LRRC72: variants seen among roughly 807,000 people sequenced by gnomAD.
LRRC72 encodes leucine rich repeat containing 72.
A neutral mutation model predicts 35.8 loss-of-function variants in LRRC72; 41 were observed. The ratio of observed to expected loss-of-function variants is 1.15; its 90% CI spans 0.89 to 1.49. LRRC72 has a LOEUF of 1.49. Among genes scored for constraint, LRRC72 ranks in the 40% most tolerant of loss-of-function variants. The pLI is 0.00. For missense variants in LRRC72, 389 were observed against 330.7 expected (o/e 1.18, Z -1.37); for synonymous variants, 118 against 119.2 (o/e 0.99, Z 0.07).
At chr7:16,574,475 A>G (rs995010310) in intron 7 of LRRC72, among the ~76,000 whole-genome samples, 21 of 152,224 alleles carry the variant, frequency 1.4e-4, no homozygotes, top group African/African-American at 5.1e-4. Context: ...AGCCATAAAA[A>G]GGATGAGTTC....
intron 3 of LRRC72, among the ~76,000 whole-genome samples, chr7:16,550,193 G>A (rs1782524541): frequency 6.6e-6 from 1 of 152,048 alleles, no homozygotes; most frequent in South Asian, 2.1e-4. Flanking sequence ...CTCCAACCTG[G>A]GCAACAGAGT....
At chr7:16,550,756 G>C (rs557518620) in intron 3 of LRRC72, among the ~76,000 whole-genome samples, 8 of 152,174 alleles carry the variant, frequency 5.3e-5, no homozygotes, top group African/African-American at 1.7e-4. Context: ...TCTCTTTCCT[G>C]CCCTCACTTC....
At chr7:16,562,874 T>C (rs970576422) in intron 5 of LRRC72, among the ~76,000 whole-genome samples, 3 of 152,232 alleles carry the variant, frequency 2.0e-5, no homozygotes, top group Non-Finnish European at 4.4e-5. Flanking sequence ...CCTCTCTCGA[T>C]CCTCTGCTTT....
intron 2 of LRRC72, among the ~76,000 whole-genome samples, chr7:16,534,429 G>A (rs928091810): frequency 7.2e-5 from 11 of 151,792 alleles, no homozygotes; most frequent in Admixed American, 2.0e-4. Context: ...ATGTGGGCTC[G>A]TAAAAGTTTT....
chr7:16,560,445 T>A (rs1273407903), intron 5 of LRRC72, among the ~76,000 whole-genome samples: 1 of 152,214 alleles, frequency 6.6e-6, no homozygotes, highest in Non-Finnish European at 1.5e-5. Flanking sequence ...TCATGGCAAT[T>A]TTATGCTTAT....
chr7:16,552,507 G>A (rs1421710651), intron 3 of LRRC72, among the ~76,000 whole-genome samples: 1 of 152,198 alleles, frequency 6.6e-6, no homozygotes, highest in African/African-American at 2.4e-5. Flanking sequence ...TCAAGAACAA[G>A]TGCAGTTACT....
intron 7 of LRRC72, among the ~76,000 whole-genome samples, chr7:16,568,387 A>G (rs1782886750): frequency 1.3e-5 from 2 of 152,222 alleles, no homozygotes; most frequent in African/African-American, 4.8e-5. Context: ...TTATCTAGAA[A>G]TAAAGGGGAA....
Position 16,533,240 on chromosome 7 carries a change from A to G in LRRC72, c.164+672A>G, listed in dbSNP as rs1407563091. ...CAATCCCCATACCAGTTTTACTGGT[A>G]AGTAGAAAAATCCCTCTCTTATATC... On this transcript the variant is annotated intron_variant, in intron 2 of 8. Transcript: ENST00000401542. Among the ~76,000 whole-genome samples, 3 of 152,138 alleles carry G rather than the reference A, an allele frequency of 2.0e-5. No homozygotes were observed. In the East Asian group the frequency reaches 5.8e-4, roughly 29 times the overall value.
At chr7:16,555,714 G>A (rs1782638580) in intron 3 of LRRC72, among the ~76,000 whole-genome samples, 1 of 152,120 alleles carries the variant, frequency 6.6e-6, no homozygotes, top group Non-Finnish European at 1.5e-5. Context: ...AGGAGGCAGA[G>A]GTTGCAGTGA....
chr7:16,527,100 C>G (rs1782083490), intron 1 of LRRC72, 58 bp downstream of exon 1: 2 of 1,374,316 alleles, frequency 1.5e-6, no homozygotes, highest in Admixed American at 2.0e-5. Flanking sequence ...CCCCAGGGCC[C>G]CACCTCCTGC....
At chr7:16,573,554 A>G (rs1782985191) in intron 7 of LRRC72, among the ~76,000 whole-genome samples, 1 of 152,248 alleles carries the variant, frequency 6.6e-6, no homozygotes, top group African/African-American at 2.4e-5. Flanking sequence ...GCAATGGGGA[A>G]AGGATTCCCT....
At chr7:16,574,399 C>G (rs1261695478) in intron 7 of LRRC72, among the ~76,000 whole-genome samples, 1 of 152,142 alleles carries the variant, frequency 6.6e-6, no homozygotes, top group African/African-American at 2.4e-5. Context: ...GGAACCAACC[C>G]AAATGCCCAT....
intron 3 of LRRC72, among the ~76,000 whole-genome samples, chr7:16,548,926 T>C (rs753824184): frequency 6.6e-6 from 1 of 152,246 alleles, no homozygotes; most frequent in African/African-American, 2.4e-5. Flanking sequence ...GTATGTATTA[T>C]TTATTTAATC....
chr7:16,535,878 G>T (rs1782245995), intron 2 of LRRC72, among the ~76,000 whole-genome samples: 1 of 152,054 alleles, frequency 6.6e-6, no homozygotes, highest in African/African-American at 2.4e-5. Context: ...TGGTTTTTTT[G>T]TTTGTTTGTT....
At chr7:16,563,165 AT>A (rs1294108776) in intron 5 of LRRC72, among the ~76,000 whole-genome samples, 2 of 152,308 alleles carry the variant, frequency 1.3e-5, no homozygotes, top group African/African-American at 4.8e-5. Flanking sequence ...TATTAATTAC[AT>A]CAACTTTCTT....
Position 16,558,995 on chromosome 7 carries a change from C to T in LRRC72, c.423C>T (p.Ile141=), listed in dbSNP as rs2128337375. ...KELKGMLNLK[I]LSLYQNPLCQ... Reference sequence around the variant, plus strand: ...TAAAGGGAATGCTAAATCTGAAGATCCTAAGTAACAATTTGCAATTTTATA... The same window carrying T: ...TAAAGGGAATGCTAAATCTGAAGATTCTAAGTAACAATTTGCAATTTTATA... The change falls in exon 5 of 9, where the codon ATC becomes ATT. Residue 141 remains isoleucine, a synonymous_variant. Coordinates refer to ENST00000401542, the MANE Select transcript of LRRC72 (RefSeq NM_001195280.2). 6.6e-7 allele frequency: 1 copy of T among 1,524,286 alleles called. No individual in the cohort carries two copies. Among genetic ancestry groups the T allele is most frequent in the Non-Finnish European group, 8.9e-7 (1 of 1,129,812 alleles). 94.4% of individuals were successfully genotyped at this position (1,524,286 alleles called of 1,614,324 possible).
chr7:16,535,133 G>A (rs935266964), intron 2 of LRRC72, among the ~76,000 whole-genome samples: 1 of 151,584 alleles, frequency 6.6e-6, no homozygotes, highest in African/African-American at 2.4e-5. Flanking sequence ...AGGTTGCAGT[G>A]AGCCGAGATG....
At chr7:16,546,987 T>C (rs1347052328) in intron 3 of LRRC72, among the ~76,000 whole-genome samples, 1 of 152,148 alleles carries the variant, frequency 6.6e-6, no homozygotes, top group Non-Finnish European at 1.5e-5. Context: ...GGAGCAGCTC[T>C]GGGAGCAGCA....
At position 16,565,852 on chromosome 7, in the gene LRRC72, T is replaced by C. The variant is rs139986232; in HGVS notation, c.428-461T>C. Among the ~76,000 whole-genome samples the C allele has an allele frequency of 1.4e-4, 22 of 152,322 alleles. No homozygotes were observed. In the East Asian group the frequency reaches 4.2e-3, roughly 29 times the overall value. On this transcript the variant is annotated intron_variant, in intron 5 of 8. Coordinates refer to ENST00000401542, the MANE Select transcript of LRRC72 (RefSeq NM_001195280.2). ...GAGCAATGGTGTGGAGGAAGTAAGT[T>C]CTATTAGAGCCGGGTGTTGTGTCTC...
Sources: allele counts gnomAD v4.1 joint callset (sites outside exome capture counted in the v4.1 genomes callset), GRCh38; gene constraint gnomAD v4.1.1; transcripts MANE v1.5; gene names NCBI Gene and HGNC (gene_info 2026-07-23, HGNC 2026-07-21).